TDRD5: variants seen among roughly 807,000 people sequenced by gnomAD.
TDRD5 encodes the protein tudor domain-containing protein 5.
Under a neutral mutation model 120.6 loss-of-function variants are expected in TDRD5, and 41 were observed. The observed-to-expected ratio is 0.34, with a 90% CI of 0.26 to 0.44. The LOEUF is 0.44. Among genes scored for constraint, TDRD5 ranks in the 20% least tolerant of loss-of-function variants. The pLI is 1.00. For missense variants in TDRD5, 1,006 were observed against 1,221.2 expected (o/e 0.82, Z 2.63); for synonymous variants, 430 against 433.7 (o/e 0.99, Z 0.11).
intron 17 of TDRD5, among the ~76,000 whole-genome samples, chr1:179,675,273 A>ATTATTATTTTTTTTTTT (rs1444171268): frequency 1.5e-5 from 1 of 66,620 alleles, no homozygotes; most frequent in Non-Finnish European, 3.0e-5. Flanking sequence ...TATTATTATT[A>ATTATTATTTTTTTTTTT]TTTTTTTTTT....
At chr1:179,684,951 G>T (rs528114777) in intron 17 of TDRD5, among the ~76,000 whole-genome samples, 1 of 152,272 alleles carries the variant, frequency 6.6e-6, no homozygotes, top group East Asian at 1.9e-4. Context: ...TTAGCCCTTT[G>T]TCAGATGGGT....
Position 179,690,681 on chromosome 1 carries a change from C to CTCTT in TDRD5, c.2861-9_2861-6dup, listed in dbSNP as rs757387543. On this transcript the variant is annotated splice_polypyrimidine_tract_variant and intron_variant, in intron 17 of 17. Transcript: ENST00000444136. ...TACCCCTTGAAAAGATGTTTGTGTACTCTTTCTTTTCCAGTGGAAAGCTCA... is the reference window on the plus strand; with the variant it reads ...TACCCCTTGAAAAGATGTTTGTGTACTCTTTCTTTCTTTTCCAGTGGAAAGCTCA... 1 of 1,609,836 alleles carries CTCTT rather than the reference C, an allele frequency of 6.2e-7. No homozygotes were observed. The highest frequency in any genetic ancestry group is 2.2e-5 in the East Asian group (1 of 44,840).
chr1:179,598,212 A>G (rs185343409), intron 4 of TDRD5, among the ~76,000 whole-genome samples: 32 of 152,380 alleles, frequency 2.1e-4, no homozygotes, highest in Non-Finnish European at 3.5e-4. Flanking sequence ...GAAAAAATAC[A>G]GTATTATAAT....
intron 4 of TDRD5, among the ~76,000 whole-genome samples, chr1:179,608,268 A>T (rs866703299): frequency 1.3e-5 from 2 of 150,674 alleles, no homozygotes; most frequent in Non-Finnish European, 3.0e-5. Context: ...ACTTTTCTTT[A>T]TTTTTTTTCT....
At chr1:179,636,765 T>C (rs1677784384) in intron 9 of TDRD5, among the ~76,000 whole-genome samples, 1 of 152,236 alleles carries the variant, frequency 6.6e-6, no homozygotes, top group Non-Finnish European at 1.5e-5. Context: ...CAGTGGTGAA[T>C]GCAACATTTC....
chr1:179,681,399 C>T (rs1427505630), intron 17 of TDRD5, among the ~76,000 whole-genome samples: 3 of 151,848 alleles, frequency 2.0e-5, no homozygotes, highest in African/African-American at 7.3e-5. Flanking sequence ...ACATCGTAAA[C>T]CCCACAATCC....
At chr1:179,605,174 C>T (rs1675907546) in intron 4 of TDRD5, among the ~76,000 whole-genome samples, 1 of 152,096 alleles carries the variant, frequency 6.6e-6, no homozygotes, top group African/African-American at 2.4e-5. Flanking sequence ...TTTGTTTTGT[C>T]TGATATAAGA....
chr1:179,677,880 T>C (rs1317402286), intron 17 of TDRD5, among the ~76,000 whole-genome samples: 4 of 152,154 alleles, frequency 2.6e-5, no homozygotes, highest in Admixed American at 2.6e-4. Context: ...TGTGGCCCTA[T>C]AGGGAGGATG....
intron 17 of TDRD5, among the ~76,000 whole-genome samples, chr1:179,671,118 A>C (rs999782987): frequency 6.6e-6 from 1 of 152,154 alleles, no homozygotes; most frequent in Non-Finnish European, 1.5e-5. Context: ...ATCTCCAGTA[A>C]ATTGCCTTGA....
intron 17 of TDRD5, among the ~76,000 whole-genome samples, chr1:179,678,143 C>T (rs1218176034): frequency 5.9e-5 from 9 of 152,100 alleles, no homozygotes; most frequent in Non-Finnish European, 1.5e-5. Context: ...GGGATTATGG[C>T]TGCCTCTGCT....
At chr1:179,613,889 G>T (rs1329336741) in intron 4 of TDRD5, among the ~76,000 whole-genome samples, 1 of 152,306 alleles carries the variant, frequency 6.6e-6, no homozygotes, top group East Asian at 1.9e-4. Flanking sequence ...CATTGGTGCT[G>T]TATGTTTCTG....
chr1:179,620,756 T>C (rs1433188903), intron 5 of TDRD5, among the ~76,000 whole-genome samples: 2 of 152,166 alleles, frequency 1.3e-5, no homozygotes, highest in Admixed American at 6.5e-5. Flanking sequence ...ATGTGTTAGC[T>C]GAGCTTAAAG....
At chr1:179,641,656 G>T (rs1479999488) in intron 11 of TDRD5, among the ~76,000 whole-genome samples, 1 of 152,116 alleles carries the variant, frequency 6.6e-6, no homozygotes, top group Non-Finnish European at 1.5e-5. Context: ...GGGAGCGAGG[G>T]TTTTTTGGTG....
intron 17 of TDRD5, among the ~76,000 whole-genome samples, chr1:179,681,647 T>C (rs1252745466): frequency 1.3e-5 from 2 of 152,020 alleles, no homozygotes; most frequent in Non-Finnish European, 2.9e-5. Flanking sequence ...TATTCAACTC[T>C]GCTGTTATAG....
intron 14 of TDRD5, among the ~76,000 whole-genome samples, chr1:179,656,393 C>A (rs1679009732): frequency 6.6e-6 from 1 of 152,114 alleles, no homozygotes; most frequent in Non-Finnish European, 1.5e-5. Context: ...TCTTTTCATT[C>A]TCTTGATAGT....
In TDRD5 at chr1:179,630,934, C is replaced by T. The variant is rs891666553; in HGVS notation, c.1126+14C>T. 1 of 1,605,206 alleles carries T rather than the reference C, an allele frequency of 6.2e-7. No individual in the cohort carries two copies. The highest frequency in any genetic ancestry group is 8.5e-7 in the Non-Finnish European group (1 of 1,176,680). On this transcript the variant is annotated intron_variant, in intron 7 of 17. Coordinates refer to ENST00000444136, the MANE Select transcript of TDRD5 (RefSeq NM_001199085.3). ...CTCTACCACCTGGTGAGTGGAACCA[C>T]AGTATGATGCAAACCTCATTTTTAT...
chr1:179,622,602 A>T (rs1676899559), intron 6 of TDRD5, among the ~76,000 whole-genome samples: 1 of 152,218 alleles, frequency 6.6e-6, no homozygotes, highest in African/African-American at 2.4e-5. Flanking sequence ...ATAAAAACCA[A>T]GTTATTTTCA....
intron 7 of TDRD5, among the ~76,000 whole-genome samples, chr1:179,633,379 TCTCG>T (rs1175328530): frequency 6.6e-6 from 1 of 151,150 alleles, no homozygotes; most frequent in East Asian, 1.9e-4. Flanking sequence ...TGAGATGGAG[TCTCG>T]CTCTGTCACC....
chr1:179,646,166 T>G (rs1041539114), intron 11 of TDRD5, among the ~76,000 whole-genome samples: 6 of 152,186 alleles, frequency 3.9e-5, no homozygotes, highest in African/African-American at 1.4e-4. Context: ...GAAGAGATCT[T>G]TAAAATAATT....
Sources: allele counts gnomAD v4.1 joint callset (sites outside exome capture counted in the v4.1 genomes callset), GRCh38; gene constraint gnomAD v4.1.1; transcripts MANE v1.5; gene names NCBI Gene and HGNC (gene_info 2026-07-23, HGNC 2026-07-21).